Variants in CNTN1 observed in about 807,000 individuals in gnomAD.
CNTN1 encodes contactin-1.
Under a neutral mutation model 126.4 loss-of-function variants are expected in CNTN1, and 38 were observed. The ratio of observed to expected loss-of-function variants is 0.30; its 90% CI spans 0.23 to 0.39. CNTN1 has a LOEUF of 0.39. Ranked by LOEUF, CNTN1 falls within the 10% of genes least tolerant of loss-of-function variation. The pLI is 1.00. For synonymous variants in CNTN1, 413 were observed against 422.6 expected (o/e 0.98, Z 0.28); for missense variants, 1,009 against 1,248.4 (o/e 0.81, Z 2.89).
intron 1 of CNTN1, among the ~76,000 whole-genome samples, chr12:40,706,156 G>A (rs1941735136): frequency 6.6e-6 from 1 of 151,690 alleles, no homozygotes; most frequent in African/African-American, 2.4e-5. Flanking sequence ...TAGGGTACAT[G>A]TGCACAATGT....
intron 1 of CNTN1, among the ~76,000 whole-genome samples, chr12:40,734,608 A>T (rs1408513567): frequency 6.6e-6 from 1 of 152,134 alleles, no homozygotes; most frequent in Non-Finnish European, 1.5e-5. Context: ...AGAAAAAATG[A>T]TTTTACTTAG....
chr12:40,835,695 ATTCTT>A (rs1198873565), intron 1 of CNTN1, among the ~76,000 whole-genome samples: 1 of 152,052 alleles, frequency 6.6e-6, no homozygotes, highest in Non-Finnish European at 1.5e-5. Context: ...TTATATGAAT[ATTCTT>A]TTCAAGTGAA....
intron 17 of CNTN1, among the ~76,000 whole-genome samples, chr12:41,003,045 G>A (rs1948404080): frequency 6.6e-6 from 1 of 152,160 alleles, no homozygotes; most frequent in Non-Finnish European, 1.5e-5. Context: ...AATGATTCCA[G>A]CTTTTGCCCA....
intron 1 of CNTN1, chr12:40,729,609 C>T (rs887207825): frequency 1.3e-5 from 3 of 228,438 alleles, no homozygotes; most frequent in Admixed American, 8.4e-5. Context: ...AATGAATTTT[C>T]AGTTGTTTGA....
At chr12:40,950,607 T>C (rs970326593) in intron 14 of CNTN1, among the ~76,000 whole-genome samples, 4 of 152,190 alleles carry the variant, frequency 2.6e-5, no homozygotes, top group African/African-American at 9.6e-5. Context: ...CAGTAGTTAG[T>C]TGGAAAAGAG....
At chr12:41,056,701 A>T (rs1949808917) in intron 23 of CNTN1, among the ~76,000 whole-genome samples, 1 of 151,850 alleles carries the variant, frequency 6.6e-6, no homozygotes, top group Admixed American at 6.6e-5. Flanking sequence ...GAGGAGGAAA[A>T]AATTAAATAA....
chr12:40,800,744 A>G (rs1941079818), intron 1 of CNTN1, among the ~76,000 whole-genome samples: 1 of 152,092 alleles, frequency 6.6e-6, no homozygotes, highest in Non-Finnish European at 1.5e-5. Context: ...CTAGAAAAAT[A>G]GGAGCCAGCT....
At chr12:40,707,091 C>G (rs1040524638) in intron 1 of CNTN1, among the ~76,000 whole-genome samples, 1 of 149,392 alleles carries the variant, frequency 6.7e-6, no homozygotes, top group Admixed American at 6.7e-5. Flanking sequence ...CACACACACC[C>G]CTGCTCAGAT....
intron 1 of CNTN1, among the ~76,000 whole-genome samples, chr12:40,830,832 T>TATAC (rs1269211034): frequency 0.032 from 2,805 of 88,256 alleles, 115 homozygotes; most frequent in East Asian, 0.059. Flanking sequence ...TATATATATA[T>TATAC]ATACTCTTTA....
intron 1 of CNTN1, among the ~76,000 whole-genome samples, chr12:40,735,314 A>G (rs1413500193): frequency 6.6e-6 from 1 of 152,146 alleles, no homozygotes; most frequent in African/African-American, 2.4e-5. Flanking sequence ...CAATGTAAGA[A>G]GATTCCTCAA....
intron 1 of CNTN1, among the ~76,000 whole-genome samples, chr12:40,906,440 GT>G (rs1027159555): frequency 1.7e-4 from 26 of 151,998 alleles, no homozygotes; most frequent in Non-Finnish European, 2.9e-5. Flanking sequence ...CATGGTCCAG[GT>G]AAAAATTTTG....
intron 14 of CNTN1, among the ~76,000 whole-genome samples, chr12:40,953,479 A>G (rs926393424): frequency 9.2e-5 from 14 of 152,126 alleles, no homozygotes; most frequent in African/African-American, 3.4e-4. Context: ...GTGCTTTCAT[A>G]CATACACAAC....
At chr12:40,860,071 A>AT (rs1458589606) in intron 1 of CNTN1, among the ~76,000 whole-genome samples, 3 of 152,018 alleles carry the variant, frequency 2.0e-5, no homozygotes, top group East Asian at 1.9e-4. Flanking sequence ...AGACTTTTAC[A>AT]TTTTTTCTAA....
intron 5 of CNTN1, 146 bp downstream of exon 5, chr12:40,922,574 C>T (rs990680024): frequency 1.4e-6 from 1 of 739,952 alleles, no homozygotes; most frequent in Non-Finnish European, 2.4e-6. Flanking sequence ...GTAATGGAGA[C>T]AACAAAGCAC....
intron 16 of CNTN1, among the ~76,000 whole-genome samples, chr12:40,992,544 A>G (rs900241002): frequency 6.6e-6 from 1 of 152,116 alleles, no homozygotes; most frequent in African/African-American, 2.4e-5. Flanking sequence ...AATCTATATT[A>G]GTATCTAGTA....
At chr12:41,006,543 TTTTA>T (rs569781920) in intron 17 of CNTN1, among the ~76,000 whole-genome samples, 136 of 152,340 alleles carry the variant, frequency 8.9e-4, no homozygotes, top group South Asian at 1.7e-3. Context: ...CTGCATATAG[TTTTA>T]TTTGTTTCTG....
intron 9 of CNTN1, 145 bp from the exon 10 acceptor site, chr12:40,936,636 C>A: frequency 1.1e-6 from 1 of 929,774 alleles, no homozygotes; most frequent in Non-Finnish European, 1.7e-6. Context: ...TATGCAAAGA[C>A]AAGGCCTATT....
chr12:40,831,055 T>C (rs1198588573), intron 1 of CNTN1, among the ~76,000 whole-genome samples: 2 of 141,660 alleles, frequency 1.4e-5, no homozygotes, highest in African/African-American at 5.4e-5. Flanking sequence ...ACTATAAATA[T>C]ATACAATACA....
intron 3 of CNTN1, among the ~76,000 whole-genome samples, chr12:40,916,862 A>G (rs1261727522): frequency 6.6e-6 from 1 of 152,052 alleles, no homozygotes; most frequent in African/African-American, 2.4e-5. Context: ...GCTAAGTCTC[A>G]GTTCCTCTCA....
Sources: gnomAD v4.1 joint callset for allele counts (sites outside exome capture counted in the v4.1 genomes callset) on GRCh38, gnomAD v4.1.1 for gene constraint, MANE v1.5 for transcripts, NCBI Gene and HGNC (gene_info 2026-07-23, HGNC 2026-07-21) for gene names.